The following IPO11 variants were observed in gnomAD, a reference collection of about 807,000 sequenced individuals.
IPO11 encodes the protein importin 11, also known as importin-11.
Under a neutral mutation model 143.2 loss-of-function variants are expected in IPO11, and 66 were observed. That is an observed-to-expected ratio of 0.46 (90% CI 0.38 to 0.57). The LOEUF is 0.57. IPO11 is among the 20% of genes least tolerant of loss of function. The probability of loss-of-function intolerance (pLI) is 0.00; values close to 1 mark genes in which losing one functional copy is unlikely to be tolerated. For synonymous variants in IPO11, 385 were observed against 377.8 expected (o/e 1.02, Z -0.22); for missense variants, 1,026 against 1,141.0 (o/e 0.90, Z 1.45).
intron 27 of IPO11, among the ~76,000 whole-genome samples, chr5:62,586,762 AAAAAAAAT>A (rs1326021530): frequency 2.2e-4 from 19 of 86,470 alleles, no homozygotes; most frequent in African/African-American, 7.7e-4. Flanking sequence ...CAAAAAAAAA[AAAAAAAAT>A]ATATATATAT....
chr5:62,559,669 C>A (rs752888544), intron 26 of IPO11, among the ~76,000 whole-genome samples: 1 of 151,866 alleles, frequency 6.6e-6, no homozygotes, highest in Non-Finnish European at 1.5e-5. Flanking sequence ...GTAATCCCAG[C>A]ACTTTGGGAG....
At chr5:62,601,662 AG>A (rs1745511753) in intron 28 of IPO11, 101 bp from the exon 29 acceptor site, 15 of 512,994 alleles carry the variant, frequency 2.9e-5, no homozygotes, top group Non-Finnish European at 4.1e-5. Context: ...TGAAAAACTA[AG>A]AACATAGAAT....
rs1196558314 is a variant in IPO11 at position 62,627,296 on chromosome 5, A to G, written c.2906A>G (p.Gln969Arg). Residue 969 changes from glutamine to arginine, a missense_variant, in exon 30 of 30, where the codon CAG (glutamine) becomes CGG (arginine). Gln to Arg is a conservative substitution (Grantham distance 43). Around this residue, in one of 5 missense-constraint regions of IPO11, gnomAD observed 351 missense variants for 358.9 expected, o/e 0.98. Coordinates refer to ENST00000325324, the MANE Select transcript of IPO11 (RefSeq NM_016338.5). ...GATACGGAGATTGTCACCCAGCTAC[A>G]GGAGTTTTTGCAAGGATTCTAAGAG... is the stretch of plus-strand genomic sequence containing the variant. ...TVDTEIVTQL[Q>R]EFLQGF 2 of 1,613,852 alleles carry G rather than the reference A, an allele frequency of 1.2e-6. No homozygotes were observed. Among genetic ancestry groups the G allele is most frequent in the Non-Finnish European group, 1.7e-6 (2 of 1,179,822 alleles).
chr5:62,528,986 C>T (rs1742455912), intron 21 of IPO11, among the ~76,000 whole-genome samples: 1 of 152,148 alleles, frequency 6.6e-6, no homozygotes, highest in Non-Finnish European at 1.5e-5. Context: ...TTTTCAAAAA[C>T]AACCTTTGGC....
At chr5:62,583,889 C>T (rs1485403169) in intron 27 of IPO11, among the ~76,000 whole-genome samples, 2 of 152,098 alleles carry the variant, frequency 1.3e-5, no homozygotes, top group Non-Finnish European at 2.9e-5. Context: ...CTACCATTTA[C>T]TACAGGTTCT....
intron 20 of IPO11, among the ~76,000 whole-genome samples, chr5:62,518,212 G>A (rs369601430): frequency 6.6e-6 from 1 of 151,258 alleles, no homozygotes; most frequent in Non-Finnish European, 1.5e-5. Flanking sequence ...TTGGGAGGCC[G>A]AGGCGGGTGA....
At chr5:62,457,085 T>TG (rs1360590224) in intron 5 of IPO11, among the ~76,000 whole-genome samples, 4 of 151,506 alleles carry the variant, frequency 2.6e-5, no homozygotes, top group Admixed American at 1.3e-4. Flanking sequence ...GTCTCTGGGG[T>TG]GGGGGGGAAA....
chr5:62,588,526 C>T (rs58504293), intron 27 of IPO11, among the ~76,000 whole-genome samples: 2 of 152,208 alleles, frequency 1.3e-5, no homozygotes, highest in African/African-American at 2.4e-5. Context: ...AGCCGCCATG[C>T]CTGGCATAAA....
chr5:62,502,813 C>CTTTTTCCT (rs1231218837), intron 16 of IPO11, among the ~76,000 whole-genome samples: 1 of 151,596 alleles, frequency 6.6e-6, no homozygotes, highest in African/African-American at 2.4e-5. Flanking sequence ...CTTTCCTTTC[C>CTTTTTCCT]TTTTTCCTTT....
intron 21 of IPO11, among the ~76,000 whole-genome samples, chr5:62,528,123 T>C (rs1252430796): frequency 3.3e-5 from 5 of 152,178 alleles, no homozygotes; most frequent in Non-Finnish European, 7.4e-5. Flanking sequence ...AGAATTCTAA[T>C]GAACTTGTAA....
intron 29 of IPO11, among the ~76,000 whole-genome samples, chr5:62,617,999 C>T (rs4700496): frequency 1 from 152,222 of 152,240 alleles, 76,102 homozygotes; most frequent in Non-Finnish European, 1. Flanking sequence ...CAGATCTGAA[C>T]AATATGATCA....
chr5:62,610,762 C>CT (rs998230345), intron 29 of IPO11, among the ~76,000 whole-genome samples: 1 of 151,674 alleles, frequency 6.6e-6, no homozygotes, highest in African/African-American at 2.4e-5. Context: ...CAAAATGAAT[C>CT]TTTTTTTTTC....
chr5:62,556,297 T>C (rs32166), intron 26 of IPO11, among the ~76,000 whole-genome samples: 2 of 151,970 alleles, frequency 1.3e-5, no homozygotes, highest in Non-Finnish European at 2.9e-5. Context: ...TGCTCTCCAG[T>C]CTGGGTGATA....
intron 16 of IPO11, among the ~76,000 whole-genome samples, chr5:62,497,888 C>G (rs1269155117): frequency 6.6e-6 from 1 of 152,210 alleles, no homozygotes; most frequent in Admixed American, 6.5e-5. Flanking sequence ...TACAGTGATT[C>G]ACTGAATAAT....
intron 28 of IPO11, among the ~76,000 whole-genome samples, chr5:62,592,710 A>T (rs1745069575): frequency 6.6e-6 from 1 of 152,108 alleles, no homozygotes; most frequent in Non-Finnish European, 1.5e-5. Flanking sequence ...GGGGAAGCAA[A>T]CATGTCCTTT....
intron 27 of IPO11, among the ~76,000 whole-genome samples, chr5:62,567,557 C>T (rs1380727636): frequency 6.9e-4 from 62 of 89,682 alleles, no homozygotes; most frequent in African/African-American, 2.7e-3. Context: ...TCTTACATTT[C>T]CTTTTTTTTT....
intron 19 of IPO11, among the ~76,000 whole-genome samples, chr5:62,514,908 A>G (rs1410227301): frequency 6.6e-6 from 1 of 151,128 alleles, no homozygotes; most frequent in Non-Finnish European, 1.5e-5. Flanking sequence ...CACCTTCATC[A>G]TTGCACTTCC....
intron 15 of IPO11, among the ~76,000 whole-genome samples, chr5:62,493,741 G>A (rs1180426421): frequency 6.6e-6 from 1 of 151,998 alleles, no homozygotes; most frequent in African/African-American, 2.4e-5. Flanking sequence ...GCTAATTTTT[G>A]TATTTTTAGT....
chr5:62,459,440 G>A (rs181109480), intron 5 of IPO11, among the ~76,000 whole-genome samples: 16 of 151,962 alleles, frequency 1.1e-4, no homozygotes, highest in African/African-American at 3.6e-4. Flanking sequence ...CAGCAGTTTG[G>A]CTGGAAATTG....
Sources: allele counts gnomAD v4.1 joint callset (sites outside exome capture counted in the v4.1 genomes callset), GRCh38; gene constraint gnomAD v4.1.1; regional missense constraint gnomAD v4.1.1; transcripts MANE v1.5; gene names NCBI Gene and HGNC (gene_info 2026-07-23, HGNC 2026-07-21).